Variants in TTC36 observed in about 807,000 individuals in gnomAD.
TTC36 encodes tetratricopeptide repeat domain 36, also known as tetratricopeptide repeat protein 36.
In TTC36, 15 loss-of-function variants were observed where a neutral mutation model predicts 17.5. That is an observed-to-expected ratio of 0.86 (90% CI 0.57 to 1.32). The LOEUF is 1.32. Among genes scored for constraint, TTC36 ranks in the 40% most tolerant of loss-of-function variants. The pLI is 0.00. For synonymous variants in TTC36, 112 were observed against 109.8 expected, an observed-to-expected ratio of 1.02 and a Z score of -0.13; for missense variants, 292 against 260.9, an observed-to-expected ratio of 1.12 and a Z score of -0.82.
chr11:118,530,550 G>C lies in TTC36; in HGVS notation c.308-104G>C, dbSNP rs1457119013. The stretch of plus-strand genomic sequence containing the variant: ...TTGTAAATGGCCACGCCCGGGAGCC[G>C]CAAGAACCACGGTGATCCGCGCGGC... On this transcript the variant is annotated intron_variant, in intron 2 of 2. Coordinates refer to ENST00000302783, the MANE Select transcript of TTC36 (RefSeq NM_001080441.4). This position sits in a 1 kb window ranked among gnomAD's most constrained non-coding sequence, Gnocchi z 5.8. 2 of 1,298,190 alleles carry C rather than the reference G, an allele frequency of 1.5e-6. No homozygotes were observed. Among genetic ancestry groups the C allele is most frequent in the Admixed American group, 4.2e-5 (1 of 23,864 alleles). 80.4% of individuals were successfully genotyped at this position (1,298,190 alleles called of 1,614,324 possible).
chr11:118,530,761 G>A lies in TTC36; in HGVS notation c.415G>A (p.Asp139Asn), dbSNP rs1555057403. The A allele has an allele frequency of 6.6e-7, 1 of 1,507,388 alleles. No individual in the cohort carries two copies. 93.4% of individuals were successfully genotyped at this position (1,507,388 alleles called of 1,614,324 possible). ...RGLLARLQGR[D>N]DDARRDFERA... is the part of the protein sequence containing the mutation. ...ACTCCTGGCGCGGCTGCAGGGCCGA[G>A]ACGACGACGCCCGCAGGGACTTCGA... is the stretch of plus-strand genomic sequence containing the variant. Residue 139 changes from aspartate (D) to asparagine (N), a missense_variant, in exon 3 of 3, where the codon GAC (aspartate) becomes AAC (asparagine). Coordinates refer to ENST00000302783, the MANE Select transcript of TTC36 (RefSeq NM_001080441.4). This position sits in a 1 kb window ranked among gnomAD's most constrained non-coding sequence, Gnocchi z 5.8.
chr11:118,530,440 G>A lies in TTC36; in HGVS notation c.308-214G>A, dbSNP rs185644609. 4.0e-6 allele frequency: 2 copies of A among 497,036 alleles called. No individual in the cohort carries two copies. The highest frequency in any genetic ancestry group is 9.0e-5 in the Admixed American group (2 of 22,324). 30.8% of individuals were successfully genotyped at this position (497,036 alleles called of 1,614,324 possible). A position where few individuals can be genotyped will look rare whatever the true frequency, so the allele number is the denominator to read the frequency against. On this transcript the variant is annotated intron_variant, in intron 2 of 2. Transcript: ENST00000302783. This position sits in a 1 kb window ranked among gnomAD's most constrained non-coding sequence, Gnocchi z 5.8. ...TCAGTCCCAGCTCTGCCACTAAGTGGCTTGGCTGTAGAGCTTAACTCTTCC... is the reference window on the plus strand; with the variant it reads ...TCAGTCCCAGCTCTGCCACTAAGTGACTTGGCTGTAGAGCTTAACTCTTCC...
In TTC36 at chr11:118,530,568, C is replaced by T; in HGVS notation, c.308-86C>T. The T allele has an allele frequency of 1.5e-6, 2 of 1,332,002 alleles. No homozygotes were observed. The highest frequency in any genetic ancestry group is 1.9e-6 in the Non-Finnish European group (2 of 1,047,148). 82.5% of individuals were successfully genotyped at this position (1,332,002 alleles called of 1,614,324 possible). ...GGGAGCCGCAAGAACCACGGTGATC[C>T]GCGCGGCCGCAGGTGGGCTGGGGCT... On this transcript the variant is annotated intron_variant, in intron 2 of 2. Transcript: ENST00000302783. The surrounding 1 kb of genome is among the most constrained non-coding windows in gnomAD (Gnocchi z 5.8).
intron 2 of TTC36, among the ~76,000 whole-genome samples, chr11:118,529,384 C>A (rs782178150): frequency 1.3e-5 from 2 of 152,090 alleles, no homozygotes; most frequent in African/African-American, 4.8e-5. Context: ...AAAACAAGTT[C>A]GAGAGGGGTC....
chr11:118,530,503 C>T lies in TTC36; in HGVS notation c.308-151C>T, dbSNP rs542169041. On this transcript the variant is annotated intron_variant, in intron 2 of 2. Transcript: ENST00000302783. The surrounding 1 kb of genome is among the most constrained non-coding windows in gnomAD (Gnocchi z 5.8). ...TGTGTAATGGGAATAACGATCCGTA[C>T]CTCTAGCAGGTGCGAGGCGGGTTGT... The T allele has an allele frequency of 8.8e-5, 74 of 841,206 alleles. 1 individual carries two copies. The South Asian group carries it at 1.8e-3, about 20-fold the overall frequency. 52.1% of individuals were successfully genotyped at this position (841,206 alleles called of 1,614,324 possible).
chr11:118,528,760 C>T lies in TTC36; in HGVS notation c.276C>T (p.Ala92=). The change falls in exon 2 of 3, where the codon GCC becomes GCT. Residue 92 remains alanine, a synonymous_variant. Transcript: ENST00000302783. ...GGGCTTCAGCCTACAACAACCGTGCCCAGGCCCGGCGACTCCAGGGAGACG... is the reference window on the plus strand; with the variant it reads ...GGGCTTCAGCCTACAACAACCGTGCTCAGGCCCGGCGACTCCAGGGAGACG... ...PERASAYNNR[A]QARRLQGDVA... 2 of 1,611,636 alleles carry T rather than the reference C, an allele frequency of 1.2e-6. No individual in the cohort carries two copies. The highest frequency in any genetic ancestry group is 1.7e-6 in the Non-Finnish European group (2 of 1,179,118).
At position 118,530,790 on chromosome 11, in the gene TTC36, G is replaced by A. The variant is rs1555057429; in HGVS notation, c.444G>A (p.Arg148=). 4 of 1,507,414 alleles carry A rather than the reference G, an allele frequency of 2.7e-6. No individual in the cohort carries two copies. Among genetic ancestry groups the A allele is most frequent in the South Asian group, 2.5e-5 (2 of 81,016 alleles). The allele number at this position is 1,507,414 out of a possible 1,614,324, so 93.4% of individuals were successfully genotyped here. ...RDDDARRDFE[R]AARLGSPFAR... ...ACGACGCCCGCAGGGACTTCGAGAGGGCGGCACGGCTGGGCAGCCCCTTCG... is the reference window on the plus strand; with the variant it reads ...ACGACGCCCGCAGGGACTTCGAGAGAGCGGCACGGCTGGGCAGCCCCTTCG... The change falls in exon 3 of 3, where the codon AGG becomes AGA. Residue 148 remains arginine, a synonymous_variant. Coordinates refer to ENST00000302783, the MANE Select transcript of TTC36 (RefSeq NM_001080441.4). This position sits in a 1 kb window ranked among gnomAD's most constrained non-coding sequence, Gnocchi z 5.8.
At position 118,528,662 on chromosome 11, in the gene TTC36, ATGG is replaced by A; in HGVS notation, c.179_181del (p.Met60_Ala61delinsThr). 2 of 1,611,340 alleles carry A rather than the reference ATGG, an allele frequency of 1.2e-6. No homozygotes were observed. On this transcript the variant is annotated inframe_deletion, in exon 2 of 3. Coordinates refer to ENST00000302783, the MANE Select transcript of TTC36 (RefSeq NM_001080441.4). ...CAAGGCCCTGGAGCTGCAGGGGGTG[ATGG>A]CAGCAGAGGCTGGGGACCTCAGCAC...
Position 118,528,585 on chromosome 11 carries a change from G to T in TTC36, c.119-18G>T. 1 of 1,538,828 alleles carries T rather than the reference G, an allele frequency of 6.5e-7. No homozygotes were observed. Among genetic ancestry groups the T allele is most frequent in the South Asian group, 1.3e-5 (1 of 78,404 alleles). Reference sequence around the variant, plus strand: ...CCAACTGCACACCTGGCTTCTCCTGGCTCCTTCCCTGGCCCAGATGAAGTT... The same window carrying T: ...CCAACTGCACACCTGGCTTCTCCTGTCTCCTTCCCTGGCCCAGATGAAGTT... On this transcript the variant is annotated intron_variant, in intron 1 of 2. Coordinates refer to ENST00000302783, the MANE Select transcript of TTC36 (RefSeq NM_001080441.4).
chr11:118,528,622 A>G lies in TTC36; in HGVS notation c.138A>G (p.Ala46=), dbSNP rs781967582. 6.4e-7 allele frequency: 1 copy of G among 1,572,864 alleles called. No individual in the cohort carries two copies. Among genetic ancestry groups the G allele is most frequent in the Non-Finnish European group, 8.6e-7 (1 of 1,156,418 alleles). ...GCCCAGATGAAGTTTTCCCTCAAGCACAGCTGGAACAGTCCAAGGCCCTGG... is the reference window on the plus strand; with the variant it reads ...GCCCAGATGAAGTTTTCCCTCAAGCGCAGCTGGAACAGTCCAAGGCCCTGG... The part of the protein sequence containing the change: ...EREEDEVFPQ[A]QLEQSKALEL... The change falls in exon 2 of 3, where the codon GCA becomes GCG. Residue 46 remains alanine (A), a synonymous_variant. Coordinates refer to ENST00000302783, the MANE Select transcript of TTC36 (RefSeq NM_001080441.4).
chr11:118,530,753 A>C lies in TTC36; in HGVS notation c.407A>C (p.Gln136Pro). The C allele has an allele frequency of 6.6e-7, 1 of 1,504,450 alleles. No individual in the cohort carries two copies. Among genetic ancestry groups the C allele is most frequent in the Non-Finnish European group, 8.8e-7 (1 of 1,135,940 alleles). The allele number at this position is 1,504,450 out of a possible 1,614,324, so 93.2% of individuals were successfully genotyped here. A position where few individuals can be genotyped will look rare whatever the true frequency, so the allele number is the denominator to read the frequency against. The stretch of plus-strand genomic sequence containing the variant: ...CAGCGCGGACTCCTGGCGCGGCTGC[A>C]GGGCCGAGACGACGACGCCCGCAGG... The part of the protein sequence containing the change: ...FVQRGLLARL[Q>P]GRDDDARRDF... The change falls in exon 3 of 3, where the codon CAG (glutamine) becomes CCG (proline). Residue 136 changes from glutamine to proline, a missense_variant. Gln to Pro is a moderately conservative substitution (Grantham distance 76). Transcript: ENST00000302783. This position sits in a 1 kb window ranked among gnomAD's most constrained non-coding sequence, Gnocchi z 5.8.
intron 1 of TTC36, 47 bp downstream of exon 1, chr11:118,527,659 T>A: frequency 7.1e-7 from 1 of 1,406,794 alleles, no homozygotes; most frequent in Non-Finnish European, 1.0e-6. Context: ...GCTGGCCTGC[T>A]GGCCTCCCGA....
At position 118,530,853 on chromosome 11, in the gene TTC36, G is replaced by A; in HGVS notation, c.507G>A (p.Ala169=). ...TGGTGCTGCTCAACCCCTACGCCGC[G>A]CTGTGCAACCGCATGCTGGCCGACA... ...RQLVLLNPYA[A]LCNRMLADMM... is the part of the protein sequence containing the mutation. The change falls in exon 3 of 3, where the codon GCG becomes GCA. Residue 169 remains alanine, a synonymous_variant. Coordinates refer to ENST00000302783, the MANE Select transcript of TTC36 (RefSeq NM_001080441.4). This position sits in a 1 kb window ranked among gnomAD's most constrained non-coding sequence, Gnocchi z 5.8. The A allele has an allele frequency of 1.3e-6, 2 of 1,511,174 alleles. No individual in the cohort carries two copies. Among genetic ancestry groups the A allele is most frequent in the Non-Finnish European group, 8.8e-7 (1 of 1,137,292 alleles). 93.6% of individuals were successfully genotyped at this position (1,511,174 alleles called of 1,614,324 possible).
intron 2 of TTC36, 128 bp downstream of exon 2, chr11:118,528,919 T>C: frequency 1.3e-6 from 1 of 789,638 alleles, no homozygotes; most frequent in East Asian, 2.9e-5. Context: ...ACCTATAAGG[T>C]AGGAGTAGTA....
At chr11:118,527,845 AC>A in intron 1 of TTC36, 1 of 606,302 alleles carries the variant, frequency 1.6e-6, no homozygotes, top group Non-Finnish European at 3.1e-6. Flanking sequence ...ATGCCTCTGA[AC>A]TTACCACTTA....
chr11:118,527,898 ACT>A, intron 1 of TTC36: 1 of 517,334 alleles, frequency 1.9e-6, no homozygotes, highest in South Asian at 1.5e-5. Context: ...GTGATGTTAA[ACT>A]CTCACATTTT....
chr11:118,530,629 C>A lies in TTC36; in HGVS notation c.308-25C>A. 1 of 1,409,744 alleles carries A rather than the reference C, an allele frequency of 7.1e-7. No individual in the cohort carries two copies. The highest frequency in any genetic ancestry group is 9.1e-7 in the Non-Finnish European group (1 of 1,093,168). The allele number at this position is 1,409,744 out of a possible 1,614,324, so 87.3% of individuals were successfully genotyped here. A position where few individuals can be genotyped will look rare whatever the true frequency, so the allele number is the denominator to read the frequency against. On this transcript the variant is annotated intron_variant, in intron 2 of 2. Transcript: ENST00000302783. This position sits in a 1 kb window ranked among gnomAD's most constrained non-coding sequence, Gnocchi z 5.8. ...CGCCCTGGCCTCCGCTGACCCCCGC[C>A]CCGCCCGTCTCGTCGGTCCCGCAGG...
rs1355410241 is a variant in TTC36 at position 118,530,702 on chromosome 11, G to A, written c.356G>A (p.Gly119Asp). 16 of 1,479,080 alleles carry A rather than the reference G, an allele frequency of 1.1e-5. No homozygotes were observed. Among genetic ancestry groups the A allele is most frequent in the African/African-American group, 2.9e-5 (2 of 68,080 alleles). 91.6% of individuals were successfully genotyped at this position (1,479,080 alleles called of 1,614,324 possible). A position where few individuals can be genotyped will look rare whatever the true frequency, so the allele number is the denominator to read the frequency against. ...GCGGTGGAGCTGAGCGGCGGCCGGG[G>A]CCGCGCCGCCCGCCAGAGCTTTGTG... ...ERAVELSGGR[G>D]RAARQSFVQR... Residue 119 changes from glycine to aspartate, a missense_variant, in exon 3 of 3, where the codon GGC becomes GAC. Physicochemically the swap from Gly to Asp is moderately conservative, Grantham distance 94. Coordinates refer to ENST00000302783, the MANE Select transcript of TTC36 (RefSeq NM_001080441.4). The surrounding 1 kb of genome is among the most constrained non-coding windows in gnomAD (Gnocchi z 5.8).
Position 118,529,915 on chromosome 11 carries a change from G to C in TTC36, c.308-739G>C, listed in dbSNP as rs903381542. On this transcript the variant is annotated intron_variant, in intron 2 of 2. Coordinates refer to ENST00000302783, the MANE Select transcript of TTC36 (RefSeq NM_001080441.4). ...AGCAGAGCCCGAAAGAAGCCAGCCTGGTGGACTTTAAGAAGGTGGCTGGCT... is the reference window on the plus strand; with the variant it reads ...AGCAGAGCCCGAAAGAAGCCAGCCTCGTGGACTTTAAGAAGGTGGCTGGCT... Among the ~76,000 whole-genome samples the C allele has an allele frequency of 1.3e-5, 2 of 152,242 alleles. 1 individual carries two copies. Among genetic ancestry groups the C allele is most frequent in the Non-Finnish European group, 2.9e-5 (2 of 68,050 alleles).
Sources: gnomAD v4.1 joint callset for allele counts (sites outside exome capture counted in the v4.1 genomes callset) on GRCh38, gnomAD v4.1.1 for gene constraint, Gnocchi (gnomAD v3.1) non-coding constraint, MANE v1.5 for transcripts, NCBI Gene and HGNC (gene_info 2026-07-23, HGNC 2026-07-21) for gene names.